Variants in LGSN observed in about 807,000 individuals in gnomAD.
LGSN encodes the protein lengsin, lens protein with glutamine synthetase domain, also known as lengsin.
LGSN carries 21 observed loss-of-function variants against 19.5 expected under a neutral mutation model. The observed-to-expected ratio is 1.07, with a 90% CI of 0.76 to 1.55. The LOEUF is 1.55. Among genes scored for constraint, LGSN ranks in the 40% most tolerant of loss-of-function variants. The pLI is 0.00. For missense variants in LGSN, 673 were observed against 608.5 expected (o/e 1.11, Z -1.12); for synonymous variants, 257 against 215.6 (o/e 1.19, Z -1.68).
the LGSN span, among the ~76,000 whole-genome samples, chr6:63,525,511 C>T: frequency 2.0e-5 from 3 of 152,194 alleles, no homozygotes; most frequent in Non-Finnish European, 2.9e-5. Flanking sequence ...CACTATTTCC[C>T]CATCTCCCAG....
the LGSN span, among the ~76,000 whole-genome samples, chr6:63,517,912 G>T: frequency 6.6e-6 from 1 of 152,070 alleles, no homozygotes; most frequent in African/African-American, 2.4e-5. Flanking sequence ...CCAACACTTT[G>T]GGAGTCCAGG....
At chr6:63,359,944 A>G in the LGSN span, among the ~76,000 whole-genome samples, 5 of 152,290 alleles carry the variant, frequency 3.3e-5, no homozygotes, top group Non-Finnish European at 7.4e-5. Context: ...CTGGATATGA[A>G]ATTCTGGGTT....
the LGSN span, among the ~76,000 whole-genome samples, chr6:63,354,379 T>C: frequency 6.6e-6 from 1 of 151,988 alleles, no homozygotes; most frequent in Non-Finnish European, 1.5e-5. Flanking sequence ...GGCCAGCAAA[T>C]ACATGAAAAA....
At chr6:63,519,676 C>A in the LGSN span, among the ~76,000 whole-genome samples, 2 of 152,168 alleles carry the variant, frequency 1.3e-5, no homozygotes, top group Non-Finnish European at 2.9e-5. Context: ...AAATGAAATA[C>A]AGGTCAGTCT....
the LGSN span, among the ~76,000 whole-genome samples, chr6:63,489,264 G>A: frequency 6.6e-6 from 1 of 152,192 alleles, no homozygotes; most frequent in Non-Finnish European, 1.5e-5. Flanking sequence ...AGAGATAAGA[G>A]TAGCATTTAT....
intron 3 of LGSN, among the ~76,000 whole-genome samples, chr6:63,283,883 A>T (rs1186921969): frequency 6.6e-6 from 1 of 151,930 alleles, no homozygotes; most frequent in Non-Finnish European, 1.5e-5. Context: ...TATTTTTAGT[A>T]GAGATGGGGT....
chr6:63,470,044 A>G, the LGSN span, among the ~76,000 whole-genome samples: 1 of 152,090 alleles, frequency 6.6e-6, no homozygotes, highest in Non-Finnish European at 1.5e-5. Flanking sequence ...TATAATTAGT[A>G]TTTGTAATTT....
chr6:63,514,287 G>GCACAA, the LGSN span, among the ~76,000 whole-genome samples: 1 of 152,180 alleles, frequency 6.6e-6, no homozygotes, highest in African/African-American at 2.4e-5. Context: ...GAATACAGTG[G>GCACAA]CACAATCTCG....
At chr6:63,474,804 T>C in the LGSN span, among the ~76,000 whole-genome samples, 1 of 149,216 alleles carries the variant, frequency 6.7e-6, no homozygotes, top group African/African-American at 2.5e-5. Context: ...ATGCCTGTAA[T>C]CCCAGCTACT....
chr6:63,371,540 G>A, the LGSN span, among the ~76,000 whole-genome samples: 1 of 152,194 alleles, frequency 6.6e-6, no homozygotes, highest in Non-Finnish European at 1.5e-5. Flanking sequence ...GCCATCTGGT[G>A]TTGATATTTC....
the LGSN span, among the ~76,000 whole-genome samples, chr6:63,455,750 G>A: frequency 9.9e-5 from 15 of 151,614 alleles, no homozygotes; most frequent in South Asian, 2.1e-4. Context: ...GTGAAACTCC[G>A]TCTCAAAATA....
the LGSN span, among the ~76,000 whole-genome samples, chr6:63,334,636 G>A: frequency 3.0e-3 from 450 of 152,160 alleles, 3 homozygotes; most frequent in African/African-American, 0.01. Flanking sequence ...AACTGAAAAT[G>A]AGCCCAAATA....
At chr6:63,357,553 G>A in the LGSN span, among the ~76,000 whole-genome samples, 2 of 152,098 alleles carry the variant, frequency 1.3e-5, no homozygotes, top group Non-Finnish European at 2.9e-5. Context: ...ATCTCATTGT[G>A]GTTTTTATTT....
chr6:63,409,867 C>G, the LGSN span, among the ~76,000 whole-genome samples: 28 of 152,196 alleles, frequency 1.8e-4, no homozygotes, highest in Middle Eastern at 3.4e-3. Flanking sequence ...GAAACCTCAT[C>G]TCTACTAAAA....
At chr6:63,487,711 T>C in the LGSN span, among the ~76,000 whole-genome samples, 5 of 152,202 alleles carry the variant, frequency 3.3e-5, no homozygotes, top group East Asian at 9.6e-4. Context: ...CTGAGCGTGG[T>C]TGCTCACGCC....
the LGSN span, among the ~76,000 whole-genome samples, chr6:63,387,429 G>A: frequency 1.3e-5 from 2 of 152,050 alleles, no homozygotes; most frequent in Non-Finnish European, 2.9e-5. Flanking sequence ...GTATTATAAT[G>A]ATTTAAGAGA....
At chr6:63,519,307 CAA>C in the LGSN span, among the ~76,000 whole-genome samples, 1 of 140,746 alleles carries the variant, frequency 7.1e-6, no homozygotes, top group African/African-American at 2.6e-5. Context: ...AACTCTGTCT[CAA>C]AAAAAAAAAG....
chr6:63,346,036 G>A, the LGSN span, among the ~76,000 whole-genome samples: 1 of 152,124 alleles, frequency 6.6e-6, no homozygotes, highest in Non-Finnish European at 1.5e-5. Context: ...GTGATATTGT[G>A]ACATCGGAAA....
chr6:63,479,845 A>G, the LGSN span, among the ~76,000 whole-genome samples: 1 of 152,214 alleles, frequency 6.6e-6, no homozygotes, highest in Non-Finnish European at 1.5e-5. Context: ...TACAAAGTCT[A>G]AATCACCTAT....
Sources: allele counts gnomAD v4.1 joint callset (sites outside exome capture counted in the v4.1 genomes callset), GRCh38; gene constraint gnomAD v4.1.1; transcripts MANE v1.5; gene names NCBI Gene and HGNC (gene_info 2026-07-23, HGNC 2026-07-21).